The following ABLIM1 variants were observed in gnomAD, a reference collection of about 807,000 sequenced individuals.
ABLIM1 encodes actin binding LIM protein 1, also known as actin-binding LIM protein 1.
Under a neutral mutation model 107.0 loss-of-function variants are expected in ABLIM1, and 40 were observed. The observed-to-expected ratio is 0.37, with a 90% CI of 0.29 to 0.49. The LOEUF (loss-of-function observed/expected upper bound fraction) is 0.49, where lower values mean the gene tolerates loss of function less well. Among genes scored for constraint, ABLIM1 ranks in the 20% least tolerant of loss-of-function variants. The pLI, the probability that ABLIM1 is intolerant of heterozygous loss-of-function variation, is 0.97. For missense variants in ABLIM1, 857 were observed against 1,008.5 expected, an observed-to-expected ratio of 0.85 and a Z score of 2.04; for synonymous variants, 357 against 357.3, an observed-to-expected ratio of 1.00 and a Z score of 0.01.
intron 8 of ABLIM1, among the ~76,000 whole-genome samples, chr10:114,474,420 G>T (rs11814614): frequency 7.4e-6 from 1 of 134,984 alleles, no homozygotes; most frequent in Non-Finnish European, 1.5e-5. Flanking sequence ...TCACTCTGTC[G>T]CCCAGGCTGG....
intron 1 of ABLIM1, among the ~76,000 whole-genome samples, chr10:114,715,449 T>C (rs1196236220): frequency 1.3e-5 from 2 of 152,194 alleles, no homozygotes; most frequent in Non-Finnish European, 2.9e-5. Flanking sequence ...AGAACCCATT[T>C]AGTGAAACCA....
At chr10:114,771,083 G>A (rs1271728511), upstream of ABLIM1, among the ~76,000 whole-genome samples, 6 of 152,144 alleles carry the variant, frequency 3.9e-5, no homozygotes, top group South Asian at 2.1e-4. Context: ...TGCCCGCCTC[G>A]GCTTCCCACA....
chr10:114,465,095 T>C lies in ABLIM1; in HGVS notation c.1441+603A>G, dbSNP rs140972968. Among the ~76,000 whole-genome samples the C allele has an allele frequency of 3.3e-5, 5 of 152,344 alleles. No homozygotes were observed. In the East Asian group the frequency reaches 5.8e-4, roughly 18 times the overall value. On this transcript the variant is annotated intron_variant, in intron 12 of 22. Transcript: ENST00000533213. ...ATAATTGTATGTTTTCCAAGTCTGA[T>C]TGAAAATCTTAGGGTTGGAAATGAT...
intron 2 of ABLIM1, among the ~76,000 whole-genome samples, chr10:114,598,668 TG>T (rs373392431): frequency 1.4e-4 from 21 of 152,144 alleles, no homozygotes; most frequent in African/African-American, 3.6e-4. Context: ...TAAGGTGGCA[TG>T]AAAAAAAAGA....
chr10:114,726,341 T>G (rs1472480158), intron 1 of ABLIM1, among the ~76,000 whole-genome samples: 1 of 152,094 alleles, frequency 6.6e-6, no homozygotes, highest in African/African-American at 2.4e-5. Flanking sequence ...AGAAAAAATA[T>G]TAGTTGGCCC....
At chr10:114,717,944 G>C (rs1165856803) in intron 1 of ABLIM1, among the ~76,000 whole-genome samples, 1 of 128,988 alleles carries the variant, frequency 7.8e-6, no homozygotes, top group African/African-American at 2.8e-5. Flanking sequence ...AAGGGGAGGG[G>C]AGGGGAGGGG....
intron 1 of ABLIM1, chr10:114,613,576 T>G (rs751067927): frequency 1.6e-5 from 14 of 883,680 alleles, no homozygotes; most frequent in Middle Eastern, 2.6e-4. Flanking sequence ...GCTTATAAAT[T>G]TCAGAAACAA....
chr10:114,797,126 C>A, the ABLIM1 span, among the ~76,000 whole-genome samples: 1 of 152,206 alleles, frequency 6.6e-6, no homozygotes, highest in Non-Finnish European at 1.5e-5. Context: ...CAACTATTCC[C>A]AAGAGATGGG....
intron 8 of ABLIM1, among the ~76,000 whole-genome samples, chr10:114,474,353 A>G (rs995993642): frequency 6.7e-6 from 1 of 149,586 alleles, no homozygotes; most frequent in Admixed American, 6.7e-5. Context: ...CTTCAAATCA[A>G]ATCCACCTGG....
At chr10:114,605,073 C>A (rs1235497036) in intron 1 of ABLIM1, among the ~76,000 whole-genome samples, 2 of 152,186 alleles carry the variant, frequency 1.3e-5, no homozygotes, top group Non-Finnish European at 2.9e-5. Flanking sequence ...GTTTACTTGC[C>A]TTTCCTTCAC....
intron 6 of ABLIM1, among the ~76,000 whole-genome samples, chr10:114,540,189 G>GA (rs1328865873): frequency 1.3e-5 from 2 of 152,016 alleles, no homozygotes; most frequent in Admixed American, 6.6e-5. Flanking sequence ...CTGGTTTCCA[G>GA]AAAAAAAGAA....
chr10:114,767,997 C>CT, intron 1 of ABLIM1: 1 of 416,486 alleles, frequency 2.4e-6, no homozygotes, highest in Non-Finnish European at 4.8e-6. Flanking sequence ...GCAGCCCCCC[C>CT]GCCCTCCCGC....
intron 1 of ABLIM1, among the ~76,000 whole-genome samples, chr10:114,712,934 T>C (rs1220565103): frequency 6.6e-6 from 1 of 152,150 alleles, no homozygotes; most frequent in Non-Finnish European, 1.5e-5. Context: ...CATGTAGTCC[T>C]AGCTACTCAG....
Position 114,601,921 on chromosome 10 carries a change from A to C in ABLIM1, c.285T>G (p.Pro95=), listed in dbSNP as rs764226346. 6.2e-7 allele frequency: 1 copy of C among 1,614,162 alleles called. No individual in the cohort carries two copies. Among genetic ancestry groups the C allele is most frequent in the South Asian group, 1.1e-5 (1 of 91,084 alleles). Residue 95 remains proline (P), a synonymous_variant, in exon 2 of 23, where the codon CCT becomes CCG. Transcript: ENST00000533213. ...CCCCACATTTATGGCAGTGAATGAC[A>C]GGCTTCTCTGATGGGTGGTGAGGGT... ...PQDPHHPSEK[P]VIHCHKCGEP...
chr10:114,610,431 A>G (rs1157584399), intron 1 of ABLIM1, among the ~76,000 whole-genome samples: 1 of 152,102 alleles, frequency 6.6e-6, no homozygotes, highest in Non-Finnish European at 1.5e-5. Flanking sequence ...TTTGAGAGAG[A>G]CTGCTTCATT....
At chr10:114,739,336 C>T (rs1347852684) in intron 1 of ABLIM1, among the ~76,000 whole-genome samples, 2 of 152,192 alleles carry the variant, frequency 1.3e-5, no homozygotes, top group Non-Finnish European at 2.9e-5. Flanking sequence ...TAGGGACATT[C>T]TTCATCTTAC....
At chr10:114,773,001 G>A (rs1352996829), upstream of ABLIM1, among the ~76,000 whole-genome samples, 1 of 152,032 alleles carries the variant, frequency 6.6e-6, no homozygotes, top group Non-Finnish European at 1.5e-5. Flanking sequence ...GAATTGGAAA[G>A]TAGATATTAA....
At chr10:114,541,677 G>T (rs10787535) in intron 6 of ABLIM1, among the ~76,000 whole-genome samples, 1 of 152,052 alleles carries the variant, frequency 6.6e-6, no homozygotes, top group African/African-American at 2.4e-5. Context: ...TGAAAGCCCC[G>T]CATGGAAAGT....
intron 6 of ABLIM1, among the ~76,000 whole-genome samples, chr10:114,509,025 T>G (rs1435075474): frequency 6.6e-6 from 1 of 152,214 alleles, no homozygotes; most frequent in African/African-American, 2.4e-5. Context: ...ATGTTACAGA[T>G]GAGCAAAGAG....
Sources: gnomAD v4.1 joint callset for allele counts (sites outside exome capture counted in the v4.1 genomes callset) on GRCh38, gnomAD v4.1.1 for gene constraint, MANE v1.5 for transcripts, NCBI Gene and HGNC (gene_info 2026-07-23, HGNC 2026-07-21) for gene names.